Variants in CHRM3 observed in about 807,000 individuals in gnomAD.
CHRM3 encodes muscarinic acetylcholine receptor M3.
A neutral mutation model predicts 41.8 loss-of-function variants in CHRM3; 11 were observed. The observed-to-expected ratio is 0.26, with a 90% CI of 0.17 to 0.44. The LOEUF is 0.44. Among genes scored for constraint, CHRM3 ranks in the 20% least tolerant of loss-of-function variants. CHRM3 has a pLI of 1.00. For synonymous variants in CHRM3, 297 were observed against 301.4 expected, an observed-to-expected ratio of 0.99 and a Z score of 0.15; for missense variants, 571 against 745.4, an observed-to-expected ratio of 0.77 and a Z score of 2.72.
At chr1:239,460,012 G>T (rs1665237244) in intron 1 of CHRM3, among the ~76,000 whole-genome samples, 1 of 152,104 alleles carries the variant, frequency 6.6e-6, no homozygotes. Context: ...TCTGAGGAAG[G>T]TACCAAGGGA....
intron 3 of CHRM3, among the ~76,000 whole-genome samples, chr1:239,589,816 A>G (rs1432585543): frequency 2.6e-5 from 4 of 151,230 alleles, no homozygotes; most frequent in Non-Finnish European, 5.9e-5. Flanking sequence ...TTTTTTATGT[A>G]TATAGTTATA....
chr1:239,688,893 A>G (rs1340025190), intron 5 of CHRM3, among the ~76,000 whole-genome samples: 1 of 144,046 alleles, frequency 6.9e-6, no homozygotes, highest in African/African-American at 2.5e-5. Flanking sequence ...TGTATATATA[A>G]TATACATTTC....
chr1:239,818,302 AT>A (rs1226142228), intron 5 of CHRM3, among the ~76,000 whole-genome samples: 1 of 152,130 alleles, frequency 6.6e-6, no homozygotes, highest in Non-Finnish European at 1.5e-5. Flanking sequence ...TTTAACCTTA[AT>A]TATCTCCCTA....
At position 239,814,377 on chromosome 1, in the gene CHRM3, T is replaced by A. The variant is rs367689398; in HGVS notation, c.-146-12875T>A. 3.3e-4 allele frequency among the ~76,000 whole-genome samples: 50 copies of A among 152,238 alleles called. No homozygotes were observed. The South Asian group carries it at 5.2e-3, about 16-fold the overall frequency. On this transcript the variant is annotated intron_variant, in intron 5 of 6. Transcript: ENST00000676153. Reference sequence around the variant, plus strand: ...CAGTGTTGGCAGCTTTTACTCTTAGTCACACGTAAGAGAAATGGTCATGAG... The same window carrying A: ...CAGTGTTGGCAGCTTTTACTCTTAGACACACGTAAGAGAAATGGTCATGAG...
At chr1:239,545,158 A>C (rs571076077) in intron 2 of CHRM3, among the ~76,000 whole-genome samples, 68 of 152,272 alleles carry the variant, frequency 4.5e-4, no homozygotes, top group African/African-American at 1.6e-3. Context: ...GTTACTAGTA[A>C]ATTTACTTCT....
intron 6 of CHRM3, among the ~76,000 whole-genome samples, chr1:239,889,642 A>T (rs1485079091): frequency 1.3e-5 from 2 of 152,068 alleles, no homozygotes; most frequent in Non-Finnish European, 2.9e-5. Flanking sequence ...ATTTCTTTCT[A>T]CCTCCTGTAT....
At chr1:239,899,399 A>G (rs1679307075) in intron 6 of CHRM3, among the ~76,000 whole-genome samples, 1 of 126,320 alleles carries the variant, frequency 7.9e-6, no homozygotes, top group Admixed American at 7.2e-5. Context: ...ATATACATAT[A>G]CACACATATA....
intron 6 of CHRM3, among the ~76,000 whole-genome samples, chr1:239,867,610 C>G (rs1676223242): frequency 6.6e-6 from 1 of 150,898 alleles, no homozygotes; most frequent in East Asian, 1.9e-4. Flanking sequence ...TGTTTGAACC[C>G]AGGAAGCAGA....
chr1:239,793,404 G>A (rs568904937), intron 5 of CHRM3, among the ~76,000 whole-genome samples: 1 of 152,298 alleles, frequency 6.6e-6, no homozygotes, highest in East Asian at 1.9e-4. Flanking sequence ...ACCATGCTTT[G>A]ATTCTTTATC....
chr1:239,772,627 C>T (rs888405104), intron 5 of CHRM3, among the ~76,000 whole-genome samples: 6 of 152,172 alleles, frequency 3.9e-5, no homozygotes, highest in Admixed American at 3.9e-4. Context: ...AGAGCATTTA[C>T]AGCAGTTTAC....
rs187973188 is a variant in CHRM3, at chr1:239,835,446, T to C, written c.-20+8068T>C. Among the ~76,000 whole-genome samples the C allele has an allele frequency of 2.0e-5, 3 of 152,252 alleles. No homozygotes were observed. In the East Asian group the frequency reaches 5.8e-4, roughly 29 times the overall value. The stretch of plus-strand genomic sequence containing the variant: ...AACGCAAATTGGGGAGGAAAAAGAT[T>C]GTTTGGGCAATGCTGTCAAAGAGGT... On this transcript the variant is annotated intron_variant, in intron 6 of 6. Transcript: ENST00000676153.
chr1:239,864,548 A>G (rs6658777), intron 6 of CHRM3, among the ~76,000 whole-genome samples: 11 of 147,948 alleles, frequency 7.4e-5, no homozygotes, highest in African/African-American at 2.6e-4. Flanking sequence ...ACACACACGC[A>G]CACACACACA....
intron 5 of CHRM3, among the ~76,000 whole-genome samples, chr1:239,783,596 A>G (rs958617302): frequency 6.6e-6 from 1 of 152,210 alleles, no homozygotes; most frequent in African/African-American, 2.4e-5. Flanking sequence ...GCATGAGTCT[A>G]AAGTCTGAAA....
chr1:239,702,524 A>G (rs143132593), intron 5 of CHRM3, among the ~76,000 whole-genome samples: 25 of 152,360 alleles, frequency 1.6e-4, no homozygotes, highest in African/African-American at 6.0e-4. Flanking sequence ...AAACTTTAGT[A>G]TTATAATAGC....
At chr1:239,775,040 T>C (rs903553396) in intron 5 of CHRM3, among the ~76,000 whole-genome samples, 5 of 152,218 alleles carry the variant, frequency 3.3e-5, no homozygotes, top group African/African-American at 1.2e-4. Context: ...AATTCAGTCT[T>C]TCTAGAGACT....
intron 3 of CHRM3, among the ~76,000 whole-genome samples, chr1:239,583,161 G>A (rs1663064182): frequency 6.6e-6 from 1 of 152,178 alleles, no homozygotes; most frequent in African/African-American, 2.4e-5. Flanking sequence ...GCGAAATTCT[G>A]TGTGGGCTGT....
intron 5 of CHRM3, among the ~76,000 whole-genome samples, chr1:239,813,810 G>A (rs1250446997): frequency 8.8e-5 from 12 of 136,434 alleles, no homozygotes; most frequent in South Asian, 4.7e-4. Flanking sequence ...CCAGCTACTC[G>A]GGAGGCTGAG....
intron 1 of CHRM3, among the ~76,000 whole-genome samples, chr1:239,426,404 G>A (rs77360725): frequency 0.057 from 8,347 of 146,282 alleles, 258 homozygotes; most frequent in Middle Eastern, 0.099. Flanking sequence ...AGGCTTTGAC[G>A]TTTTCCTCTG....
chr1:239,622,333 A>C (rs1250382717), intron 3 of CHRM3, among the ~76,000 whole-genome samples: 3 of 152,158 alleles, frequency 2.0e-5, no homozygotes, highest in Non-Finnish European at 4.4e-5. Flanking sequence ...AAGTCTTACT[A>C]TTTTAAGAAA....
Sources: gnomAD v4.1 joint callset for allele counts (sites outside exome capture counted in the v4.1 genomes callset) on GRCh38, gnomAD v4.1.1 for gene constraint, MANE v1.5 for transcripts, NCBI Gene and HGNC (gene_info 2026-07-23, HGNC 2026-07-21) for gene names.